CTNNA3: variants seen among roughly 807,000 people sequenced by gnomAD.
CTNNA3 encodes catenin alpha 3.
CTNNA3 carries 76 observed loss-of-function variants against 95.7 expected under a neutral mutation model. That is an observed-to-expected ratio of 0.79 (90% CI 0.66 to 0.96). The LOEUF is 0.96. Among genes scored for constraint, CTNNA3 ranks in the 40% least tolerant of loss-of-function variants. The pLI is 0.00. For synonymous variants in CTNNA3, 431 were observed against 374.4 expected, an observed-to-expected ratio of 1.15 and a Z score of -1.74; for missense variants, 1,191 against 1,089.8, an observed-to-expected ratio of 1.09 and a Z score of -1.31.
intron 5 of CTNNA3, among the ~76,000 whole-genome samples, chr10:67,505,901 C>T (rs901102209): frequency 3.3e-5 from 5 of 151,970 alleles, no homozygotes; most frequent in Non-Finnish European, 5.9e-5. Flanking sequence ...TGTATTAATG[C>T]TGTAACTAAA....
At chr10:66,103,276 A>G in intron 13 of CTNNA3, 27 bp from the exon 14 acceptor site, 2 of 1,550,312 alleles carry the variant, frequency 1.3e-6, no homozygotes, top group Non-Finnish European at 1.8e-6. Flanking sequence ...AAACATTGCT[A>G]GTGGGAATGT....
intron 12 of CTNNA3, among the ~76,000 whole-genome samples, chr10:66,318,937 C>G (rs775862874): frequency 1.3e-5 from 2 of 151,786 alleles, no homozygotes; most frequent in Non-Finnish European, 2.9e-5. Context: ...GGTTCAGTAC[C>G]CTTTCCCTAT....
intron 12 of CTNNA3, among the ~76,000 whole-genome samples, chr10:66,293,508 G>T (rs779731145): frequency 6.6e-6 from 1 of 151,936 alleles, no homozygotes; most frequent in Non-Finnish European, 1.5e-5. Context: ...TTCTTAATTT[G>T]ATAGATATTT....
intron 7 of CTNNA3, among the ~76,000 whole-genome samples, chr10:67,021,348 C>T (rs917735941): frequency 2.0e-5 from 3 of 151,946 alleles, no homozygotes; most frequent in Non-Finnish European, 4.4e-5. Flanking sequence ...CACTTGTATA[C>T]AATCAGTGAA....
intron 11 of CTNNA3, among the ~76,000 whole-genome samples, chr10:66,444,034 C>G (rs527438789): frequency 6.6e-6 from 1 of 152,072 alleles, no homozygotes; most frequent in African/African-American, 2.4e-5. Flanking sequence ...AACGCAGAAG[C>G]CTCAGGAGCC....
At chr10:66,232,635 G>A (rs2089643087) in intron 13 of CTNNA3, among the ~76,000 whole-genome samples, 1 of 152,090 alleles carries the variant, frequency 6.6e-6, no homozygotes, top group African/African-American at 2.4e-5. Context: ...AAGAACAAAG[G>A]AGGAAGATAT....
At chr10:67,416,835 A>T (rs989863043) in intron 5 of CTNNA3, among the ~76,000 whole-genome samples, 4 of 152,062 alleles carry the variant, frequency 2.6e-5, no homozygotes, top group African/African-American at 9.7e-5. Context: ...AAATGCTTAT[A>T]CTCTGCTGGT....
intron 1 of CTNNA3, among the ~76,000 whole-genome samples, chr10:67,701,484 G>C (rs1440339614): frequency 6.6e-6 from 1 of 152,152 alleles, no homozygotes; most frequent in Non-Finnish European, 1.5e-5. Context: ...CACTCTTAAA[G>C]AAAAGAATTT....
intron 7 of CTNNA3, chr10:66,928,576 C>G (rs936133795): frequency 5.8e-6 from 5 of 857,310 alleles, no homozygotes; most frequent in Non-Finnish European, 8.8e-6. Flanking sequence ...TCTCACTTTG[C>G]TGGCAAGATC....
intron 9 of CTNNA3, among the ~76,000 whole-genome samples, chr10:66,766,002 T>C (rs1839833577): frequency 6.6e-6 from 1 of 152,164 alleles, no homozygotes; most frequent in South Asian, 2.1e-4. Context: ...AAGAAAATAT[T>C]TGTAAGGATA....
chr10:66,558,026 C>T (rs1451530775), intron 10 of CTNNA3, among the ~76,000 whole-genome samples: 1 of 152,024 alleles, frequency 6.6e-6, no homozygotes, highest in East Asian at 1.9e-4. Context: ...AATCATACTC[C>T]TTACCCTTGA....
At chr10:66,422,203 TGAC>T (rs992384210) in intron 11 of CTNNA3, among the ~76,000 whole-genome samples, 18 of 152,132 alleles carry the variant, frequency 1.2e-4, no homozygotes, top group Non-Finnish European at 2.4e-4. Flanking sequence ...TTACAATCAA[TGAC>T]TTTTGCAGCA....
Position 65,963,973 on chromosome 10 carries a change from A to G in CTNNA3, c.2400+2639T>C, listed in dbSNP as rs193094182. The stretch of plus-strand genomic sequence containing the variant: ...TTAGAAATGCATTCCGTTCACACCT[A>G]CTTATTTTTAACCCACTATATTTGG... On this transcript the variant is annotated intron_variant, in intron 17 of 17. Coordinates refer to ENST00000433211, the MANE Select transcript of CTNNA3 (RefSeq NM_013266.4). 9.0e-4 allele frequency among the ~76,000 whole-genome samples: 137 copies of G among 152,262 alleles called. 2 individuals carry two copies. Among genetic ancestry groups the G allele is most frequent in the South Asian group, 5.4e-3 (26 of 4,828 alleles).
chr10:66,693,053 AC>A (rs1457089146), intron 9 of CTNNA3, among the ~76,000 whole-genome samples: 1 of 152,198 alleles, frequency 6.6e-6, no homozygotes, highest in Non-Finnish European at 1.5e-5. Flanking sequence ...AACTGCATCA[AC>A]TAACGAGCAA....
intron 7 of CTNNA3, among the ~76,000 whole-genome samples, chr10:67,013,851 C>T (rs1156724664): frequency 3.9e-5 from 6 of 151,944 alleles, no homozygotes; most frequent in Non-Finnish European, 8.8e-5. Context: ...AGATACAGGC[C>T]CACTCTCACA....
chr10:67,269,908 A>AT (rs531838278), intron 5 of CTNNA3, among the ~76,000 whole-genome samples: 40 of 152,288 alleles, frequency 2.6e-4, no homozygotes, highest in Non-Finnish European at 4.6e-4. Flanking sequence ...GTTTTGGTAT[A>AT]TCCTACAAAC....
In CTNNA3 at chr10:66,863,157, C is replaced by T. The variant is rs1232667669; in HGVS notation, c.1048-87633G>A. Among the ~76,000 whole-genome samples the T allele has an allele frequency of 2.7e-5, 4 of 150,874 alleles. No individual in the cohort carries two copies. The Admixed American group carries it at 2.7e-4, about 10-fold the overall frequency. ...CCTGCAGTTCTTGTAAATTAGCCTC[C>T]ATAATCACATGAGCCAATTCTTTAC... On this transcript the variant is annotated intron_variant, in intron 7 of 17. Coordinates refer to ENST00000433211, the MANE Select transcript of CTNNA3 (RefSeq NM_013266.4).
At chr10:66,958,327 A>G (rs1375619436) in intron 7 of CTNNA3, among the ~76,000 whole-genome samples, 1 of 141,188 alleles carries the variant, frequency 7.1e-6, no homozygotes, top group Non-Finnish European at 1.6e-5. Flanking sequence ...AAAAAAAAAA[A>G]AAAAAAATGC....
At chr10:66,176,102 C>G (rs545336244) in intron 13 of CTNNA3, among the ~76,000 whole-genome samples, 1 of 152,096 alleles carries the variant, frequency 6.6e-6, no homozygotes, top group Non-Finnish European at 1.5e-5. Context: ...CTGCAGAGCC[C>G]TTTCATTGTG....
Sources: gnomAD v4.1 joint callset for allele counts (sites outside exome capture counted in the v4.1 genomes callset) on GRCh38, gnomAD v4.1.1 for gene constraint, MANE v1.5 for transcripts, NCBI Gene and HGNC (gene_info 2026-07-23, HGNC 2026-07-21) for gene names.